PLS1: variants seen among roughly 807,000 people sequenced by gnomAD.
PLS1 encodes plastin-1.
A neutral mutation model predicts 73.7 loss-of-function variants in PLS1; 32 were observed. The ratio of observed to expected loss-of-function variants is 0.43; its 90% confidence interval spans 0.33 to 0.58. The LOEUF (loss-of-function observed/expected upper bound fraction) is 0.58, where lower values mean the gene tolerates loss of function less well. Among genes scored for constraint, PLS1 ranks in the 20% least tolerant of loss-of-function variants. PLS1 has a pLI of 0.04. For synonymous variants in PLS1, 217 were observed against 261.3 expected, an observed-to-expected ratio of 0.83 and a Z score of 1.63; for missense variants, 633 against 740.5, an observed-to-expected ratio of 0.85 and a Z score of 1.68.
At chr3:142,642,605 T>C (rs572880462) in intron 1 of PLS1, among the ~76,000 whole-genome samples, 10 of 152,356 alleles carry the variant, frequency 6.6e-5, no homozygotes, top group African/African-American at 2.2e-4. Flanking sequence ...GCAGGGTCTC[T>C]GTTTCCCAGA....
Position 142,703,910 on chromosome 3 carries a change from G to T in PLS1, c.1414G>T (p.Ala472Ser). ...NYAVELGKNK[A>S]KFSLVGIAGQ... Reference sequence around the variant, plus strand: ...TGCAGTGGAACTTGGGAAGAACAAGGCCAAATTCTCCTTGGTTGGCATTGC... The same window carrying T: ...TGCAGTGGAACTTGGGAAGAACAAGTCCAAATTCTCCTTGGTTGGCATTGC... Residue 472 changes from alanine (A) to serine (S), a missense_variant, in exon 13 of 16, where the codon GCC (alanine) becomes TCC (serine). Coordinates refer to ENST00000457734, the MANE Select transcript of PLS1 (RefSeq NM_001145319.2). 6.2e-7 allele frequency: 1 copy of T among 1,612,260 alleles called. No individual in the cohort carries two copies. Among genetic ancestry groups the T allele is most frequent in the Non-Finnish European group, 8.5e-7 (1 of 1,178,322 alleles).
rs541087324 is a variant in PLS1 at position 142,704,610 on chromosome 3, T to A, written c.1629+24T>A. The A allele has an allele frequency of 1.3e-4, 173 of 1,307,840 alleles. 1 individual carries two copies. Among genetic ancestry groups the A allele is most frequent in the East Asian group, 1.1e-3 (43 of 38,048 alleles). The allele number at this position is 1,307,840 out of a possible 1,614,324, so 81.0% of individuals were successfully genotyped here. Reference sequence around the variant, plus strand: ...AGGTAATCAAGAGTCCTAAAAAAAATTTTTTTTTGTAGGTATAGGAAGGAA... The same window carrying A: ...AGGTAATCAAGAGTCCTAAAAAAAAATTTTTTTTGTAGGTATAGGAAGGAA... On this transcript the variant is annotated intron_variant, in intron 14 of 15. Coordinates refer to ENST00000457734, the MANE Select transcript of PLS1 (RefSeq NM_001145319.2).
rs1172938513 is a variant in PLS1, at chr3:142,712,968, A to G, written c.*961A>G. On this transcript the variant is annotated 3_prime_UTR_variant, in exon 16 of 16. Coordinates refer to ENST00000457734, the MANE Select transcript of PLS1 (RefSeq NM_001145319.2). ...CTAGAACATCCCAAGATATGCTGAC[A>G]CTGTCCTGTTAGCTTCATATTATAC... 3 of 152,610 alleles carry G rather than the reference A, an allele frequency of 2.0e-5. No homozygotes were observed. The highest frequency in any genetic ancestry group is 7.2e-5 in the African/African-American group (3 of 41,458). 9.5% of individuals were successfully genotyped at this position (152,610 alleles called of 1,614,324 possible). A position where few individuals can be genotyped will look rare whatever the true frequency, so the allele number is the denominator to read the frequency against.
chr3:142,646,910 TAA>T lies in PLS1; in HGVS notation c.-36-17291_-36-17290del, dbSNP rs138770740. ...GTAGGTAAGGCAACACAGATGAAGC[TAA>T]GAGTCCTGGAAGTCATAGAAAATTC... On this transcript the variant is annotated intron_variant, in intron 1 of 15. Coordinates refer to ENST00000457734, the MANE Select transcript of PLS1 (RefSeq NM_001145319.2). 1.5e-3 allele frequency among the ~76,000 whole-genome samples: 233 copies of T among 152,354 alleles called. 1 individual carries two copies. Among genetic ancestry groups the T allele is most frequent in the African/African-American group, 5.5e-3 (227 of 41,590 alleles).
intron 1 of PLS1, among the ~76,000 whole-genome samples, chr3:142,610,627 A>G (rs1379474282): frequency 2.6e-5 from 4 of 151,994 alleles, no homozygotes; most frequent in African/African-American, 9.7e-5. Context: ...TTCTCTTGTT[A>G]GTTTGTCCTT....
At chr3:142,655,607 A>G (rs1038121744) in intron 1 of PLS1, among the ~76,000 whole-genome samples, 1 of 151,736 alleles carries the variant, frequency 6.6e-6, no homozygotes, top group Non-Finnish European at 1.5e-5. Flanking sequence ...CTGCAATCCC[A>G]GCTACCAGGG....
intron 1 of PLS1, among the ~76,000 whole-genome samples, chr3:142,612,997 C>T (rs990578183): frequency 3.3e-5 from 5 of 152,110 alleles, no homozygotes; most frequent in Non-Finnish European, 7.4e-5. Flanking sequence ...AACTCCCAAC[C>T]TCAGGTGATC....
intron 1 of PLS1, among the ~76,000 whole-genome samples, chr3:142,612,505 C>A (rs1190930359): frequency 1.3e-5 from 2 of 152,182 alleles, no homozygotes; most frequent in East Asian, 3.9e-4. Context: ...AGCCTTAGTC[C>A]TACCTTCATG....
At chr3:142,602,502 T>G (rs2035944732) in intron 1 of PLS1, among the ~76,000 whole-genome samples, 1 of 152,058 alleles carries the variant, frequency 6.6e-6, no homozygotes, top group African/African-American at 2.4e-5. Context: ...CTCCCCCAAT[T>G]TTTAAGATTG....
At chr3:142,654,445 A>C (rs952770230) in intron 1 of PLS1, among the ~76,000 whole-genome samples, 3 of 152,190 alleles carry the variant, frequency 2.0e-5, no homozygotes, top group African/African-American at 7.2e-5. Context: ...TCCTAGGCTC[A>C]AGTGATGCTC....
At position 142,711,633 on chromosome 3, in the gene PLS1, T is replaced by G; in HGVS notation, c.1754+8T>G. On this transcript the variant is annotated splice_region_variant and intron_variant, in intron 15 of 15. Transcript: ENST00000457734. ...CAAGCTGAACAATGCTAAGTAAGCCTTTATGGTTTATATTACAATACATGG... is the reference window on the plus strand; with the variant it reads ...CAAGCTGAACAATGCTAAGTAAGCCGTTATGGTTTATATTACAATACATGG... 3 of 1,592,614 alleles carry G rather than the reference T, an allele frequency of 1.9e-6. No individual in the cohort carries two copies. Among genetic ancestry groups the G allele is most frequent in the Non-Finnish European group, 2.6e-6 (3 of 1,164,068 alleles).
chr3:142,647,875 T>C (rs553419150), intron 1 of PLS1, among the ~76,000 whole-genome samples: 2 of 152,324 alleles, frequency 1.3e-5, no homozygotes, highest in East Asian at 3.9e-4. Context: ...TAGTTCATTT[T>C]GAGAGCTGAC....
chr3:142,660,108 T>G (rs2037336393), intron 1 of PLS1, among the ~76,000 whole-genome samples: 1 of 152,196 alleles, frequency 6.6e-6, no homozygotes, highest in African/African-American at 2.4e-5. Context: ...TCCGAGCAGT[T>G]GTTTATGATT....
intron 11 of PLS1, among the ~76,000 whole-genome samples, chr3:142,696,948 T>C (rs113395830): frequency 6.6e-6 from 1 of 152,004 alleles, no homozygotes; most frequent in Non-Finnish European, 1.5e-5. Flanking sequence ...TATCACCCAG[T>C]ACTGGGCCCA....
At chr3:142,697,506 C>A (rs1260568421) in intron 11 of PLS1, among the ~76,000 whole-genome samples, 2 of 152,062 alleles carry the variant, frequency 1.3e-5, no homozygotes, top group African/African-American at 4.8e-5. Context: ...TATATAGGTA[C>A]ATAAATACAT....
At chr3:142,681,964 G>T (rs948737617) in intron 6 of PLS1, among the ~76,000 whole-genome samples, 1 of 152,078 alleles carries the variant, frequency 6.6e-6, no homozygotes, top group Non-Finnish European at 1.5e-5. Flanking sequence ...CATCAAAAGC[G>T]GTTTTTCTCC....
At position 142,660,289 on chromosome 3, in the gene PLS1, A is replaced by G. The variant is rs188893269; in HGVS notation, c.-36-3913A>G. Among the ~76,000 whole-genome samples the G allele has an allele frequency of 2.3e-3, 356 of 152,306 alleles. 4 individuals are homozygous for G. Among genetic ancestry groups the G allele is most frequent in the South Asian group, 0.018 (89 of 4,826 alleles). On this transcript the variant is annotated intron_variant, in intron 1 of 15. Coordinates refer to ENST00000457734, the MANE Select transcript of PLS1 (RefSeq NM_001145319.2). ...AGCTGATACCATCACTCTCCCTGCC[A>G]CACTTACTTTTCTGTATCTTGTTTT...
At chr3:142,681,174 T>G (rs1165947543) in intron 6 of PLS1, among the ~76,000 whole-genome samples, 1 of 152,142 alleles carries the variant, frequency 6.6e-6, no homozygotes, top group Admixed American at 6.6e-5. Context: ...TATAGAATAT[T>G]TTTTCTTTAT....
chr3:142,711,315 TAAAG>T (rs578100469), intron 14 of PLS1, among the ~76,000 whole-genome samples, 182 bp from the exon 15 acceptor site: 259 of 152,272 alleles, frequency 1.7e-3, no homozygotes, highest in African/African-American at 6.1e-3. Flanking sequence ...ATATTATATA[TAAAG>T]ATTCAAGGAA....
Sources: allele counts gnomAD v4.1 joint callset (sites outside exome capture counted in the v4.1 genomes callset), GRCh38; gene constraint gnomAD v4.1.1; transcripts MANE v1.5; gene names NCBI Gene and HGNC (gene_info 2026-07-23, HGNC 2026-07-21).